Variants in PRR16 observed in about 807,000 individuals in gnomAD.
PRR16 encodes proline rich 16, also known as protein Largen.
PRR16 carries 6 observed loss-of-function variants against 18.2 expected under a neutral mutation model. The ratio of observed to expected loss-of-function variants is 0.33; its 90% confidence interval spans 0.18 to 0.65. The LOEUF is 0.65. Ranked by LOEUF, PRR16 falls within the 30% of genes least tolerant of loss-of-function variation. The probability of loss-of-function intolerance (pLI) is 0.74; values close to 1 mark genes in which losing one functional copy is unlikely to be tolerated. For synonymous variants in PRR16, 151 were observed against 147.8 expected, an observed-to-expected ratio of 1.02 and a Z score of -0.16; for missense variants, 412 against 376.6, an observed-to-expected ratio of 1.09 and a Z score of -0.78.
At chr5:120,757,932 CATT>C in the PRR16 span, among the ~76,000 whole-genome samples, 36 of 152,068 alleles carry the variant, frequency 2.4e-4, no homozygotes, top group Admixed American at 2.1e-3. Context: ...AAAAAATTAT[CATT>C]AACCTATGAT....
At chr5:120,497,121 G>T (rs1750272659) in intron 1 of PRR16, among the ~76,000 whole-genome samples, 1 of 152,114 alleles carries the variant, frequency 6.6e-6, no homozygotes, top group Non-Finnish European at 1.5e-5. Context: ...TCACGGCTCA[G>T]AATATGGTCT....
At chr5:120,699,002 G>A in the PRR16 span, among the ~76,000 whole-genome samples, 1 of 152,254 alleles carries the variant, frequency 6.6e-6, no homozygotes, top group East Asian at 1.9e-4. Context: ...GGCCTTCTCA[G>A]ACCCTGTAGG....
chr5:120,655,318 G>T (rs1348534961), intron 1 of PRR16, among the ~76,000 whole-genome samples: 1 of 149,050 alleles, frequency 6.7e-6, no homozygotes, highest in African/African-American at 2.5e-5. Flanking sequence ...AAAAAGAAAT[G>T]TATAATGTTA....
At chr5:120,644,136 G>A (rs7717293) in intron 1 of PRR16, among the ~76,000 whole-genome samples, 149,776 of 152,186 alleles carry the variant, frequency 0.98, 73,734 homozygotes, top group East Asian at 1. Context: ...CAGGCTAATT[G>A]CTTCTCTAAT....
the PRR16 span, among the ~76,000 whole-genome samples, chr5:120,757,550 A>G: frequency 6.6e-6 from 1 of 152,020 alleles, no homozygotes; most frequent in Non-Finnish European, 1.5e-5. Flanking sequence ...GCTATATAGT[A>G]AAAGAAAAAT....
At chr5:120,751,813 T>C in the PRR16 span, among the ~76,000 whole-genome samples, 1 of 152,060 alleles carries the variant, frequency 6.6e-6, no homozygotes, top group Non-Finnish European at 1.5e-5. Flanking sequence ...TGGAAGTACT[T>C]TAGTGTTCTC....
At chr5:120,770,571 G>A in the PRR16 span, among the ~76,000 whole-genome samples, 1 of 151,970 alleles carries the variant, frequency 6.6e-6, no homozygotes, top group East Asian at 1.9e-4. Context: ...ATAGCCAAGT[G>A]AGACTGTATC....
chr5:120,762,693 A>T, the PRR16 span, among the ~76,000 whole-genome samples: 1 of 152,116 alleles, frequency 6.6e-6, no homozygotes, highest in Non-Finnish European at 1.5e-5. Context: ...GTTCCTTGTC[A>T]GATGAATACT....
At chr5:120,678,323 G>T (rs1234688651) in intron 1 of PRR16, among the ~76,000 whole-genome samples, 1 of 152,114 alleles carries the variant, frequency 6.6e-6, no homozygotes, top group Admixed American at 6.5e-5. Context: ...TGGGCCATCT[G>T]GGATTGGAGG....
At chr5:120,503,713 T>C (rs1750544884) in intron 1 of PRR16, among the ~76,000 whole-genome samples, 1 of 151,830 alleles carries the variant, frequency 6.6e-6, no homozygotes, top group Non-Finnish European at 1.5e-5. Flanking sequence ...TATGTATACA[T>C]GTGCCATGCT....
intron 1 of PRR16, among the ~76,000 whole-genome samples, chr5:120,532,607 G>A (rs1221897277): frequency 3.9e-5 from 6 of 151,950 alleles, no homozygotes; most frequent in Admixed American, 6.6e-5. Flanking sequence ...TTAGACTAAG[G>A]TGGTTAAAAG....
At chr5:120,492,027 G>A (rs1209670610) in intron 1 of PRR16, among the ~76,000 whole-genome samples, 1 of 151,766 alleles carries the variant, frequency 6.6e-6, no homozygotes, top group Non-Finnish European at 1.5e-5. Flanking sequence ...AATGTAAATA[G>A]GGTTTGTACA....
the PRR16 span, among the ~76,000 whole-genome samples, chr5:120,781,932 C>A: frequency 1.3e-5 from 2 of 152,056 alleles, no homozygotes; most frequent in Non-Finnish European, 2.9e-5. Flanking sequence ...GATAAAAATT[C>A]TATTTTTCTA....
chr5:120,488,375 G>A (rs1749894071), intron 1 of PRR16, among the ~76,000 whole-genome samples: 1 of 152,098 alleles, frequency 6.6e-6, no homozygotes, highest in Admixed American at 6.5e-5. Flanking sequence ...GCTTAGTCTT[G>A]GGAGGGTGTA....
At chr5:120,677,229 C>T (rs1438911014) in intron 1 of PRR16, among the ~76,000 whole-genome samples, 3 of 152,082 alleles carry the variant, frequency 2.0e-5, no homozygotes, top group Non-Finnish European at 2.9e-5. Context: ...AGTGTGTTTG[C>T]GATGACTATG....
chr5:120,554,577 G>A (rs891126418), intron 1 of PRR16, among the ~76,000 whole-genome samples: 2 of 151,928 alleles, frequency 1.3e-5, no homozygotes, highest in Middle Eastern at 6.3e-3. Context: ...TCTATTGCCT[G>A]AATGGGGACA....
chr5:120,499,112 C>CT lies in PRR16; in HGVS notation c.159+34480dup, dbSNP rs113501213. ...TTCAGTCATCTTTTTTTTTTAATCA[C>CT]TTTTTTTTTTTTTAAAGACGGAGTT... On this transcript the variant is annotated intron_variant, in intron 1 of 1. Coordinates refer to ENST00000407149, the MANE Select transcript of PRR16 (RefSeq NM_001300783.2). Among the ~76,000 whole-genome samples the CT allele has an allele frequency of 9.3e-3, 1,304 of 140,012 alleles. 7 individuals are homozygous for CT. Among genetic ancestry groups the CT allele is most frequent in the Non-Finnish European group, 0.011 (709 of 63,998 alleles). 91.9% of individuals were successfully genotyped at this position (140,012 alleles called of 152,430 possible).
the PRR16 span, among the ~76,000 whole-genome samples, chr5:120,752,426 G>A: frequency 0.058 from 8,767 of 151,984 alleles, 317 homozygotes; most frequent in South Asian, 0.082. Flanking sequence ...TTTTGAAGGT[G>A]AGGAGGGACA....
At chr5:120,536,337 C>A (rs895424459) in intron 1 of PRR16, among the ~76,000 whole-genome samples, 14 of 152,132 alleles carry the variant, frequency 9.2e-5, no homozygotes, top group Admixed American at 9.2e-4. Context: ...CATCTATAAA[C>A]CTCAGCTGCA....
Sources: gnomAD v4.1 joint callset for allele counts (sites outside exome capture counted in the v4.1 genomes callset) on GRCh38, gnomAD v4.1.1 for gene constraint, MANE v1.5 for transcripts, NCBI Gene and HGNC (gene_info 2026-07-23, HGNC 2026-07-21) for gene names.